Variants in PTPRD observed in about 807,000 individuals in gnomAD.
The protein encoded by PTPRD is receptor-type tyrosine-protein phosphatase delta.
Under a neutral mutation model 214.5 loss-of-function variants are expected in PTPRD, and 34 were observed. The ratio of observed to expected loss-of-function variants is 0.16; its 90% CI spans 0.12 to 0.21. The LOEUF (loss-of-function observed/expected upper bound fraction) is 0.21. Among genes scored for constraint, PTPRD ranks in the 10% least tolerant of loss-of-function variants. PTPRD has a pLI of 1.00. For synonymous variants in PTPRD, 1,128 were observed against 845.7 expected (o/e 1.33, Z -5.79); for missense variants, 2,545 against 2,398.7 (o/e 1.06, Z -1.27).
At chr9:10,545,103 T>C (rs549150543) in intron 2 of PTPRD, among the ~76,000 whole-genome samples, 1 of 152,314 alleles carries the variant, frequency 6.6e-6, no homozygotes, top group Admixed American at 6.5e-5. Context: ...ATGGAAAGAC[T>C]TCTAAGACAA....
chr9:8,621,509 G>T (rs1017687271), intron 14 of PTPRD, among the ~76,000 whole-genome samples: 4 of 151,972 alleles, frequency 2.6e-5, no homozygotes, highest in African/African-American at 9.7e-5. Flanking sequence ...CTACTGGGCA[G>T]CATTTAGTGT....
chr9:8,371,243 T>C (rs2081411952), intron 39 of PTPRD, among the ~76,000 whole-genome samples: 1 of 152,176 alleles, frequency 6.6e-6, no homozygotes, highest in African/African-American at 2.4e-5. Flanking sequence ...ATATAGTCTC[T>C]AAGGTGAAAA....
intron 28 of PTPRD, 146 bp downstream of exon 28, chr9:8,485,616 G>A (rs1413813527): frequency 1.7e-5 from 13 of 743,840 alleles, no homozygotes; most frequent in South Asian, 5.8e-5. Context: ...CATCCAAGAC[G>A]TAGTAAGTTT....
chr9:8,890,877 C>T (rs371702517), intron 11 of PTPRD, among the ~76,000 whole-genome samples: 2 of 152,062 alleles, frequency 1.3e-5, no homozygotes, highest in Admixed American at 6.6e-5. Context: ...GAGAAGGCCA[C>T]GTTCAGCAGC....
chr9:8,802,351 C>T (rs570465161), intron 11 of PTPRD, among the ~76,000 whole-genome samples: 13 of 152,286 alleles, frequency 8.5e-5, no homozygotes, highest in African/African-American at 3.1e-4. Context: ...GGTTGCTTCC[C>T]TGACTCTCAC....
At chr9:8,494,376 T>C (rs1163803593) in intron 26 of PTPRD, among the ~76,000 whole-genome samples, 2 of 152,216 alleles carry the variant, frequency 1.3e-5, no homozygotes, top group African/African-American at 2.4e-5. Flanking sequence ...AAATGGACTA[T>C]TTGGGAGAAA....
chr9:8,353,987 TCTCA>T (rs1300044061), intron 39 of PTPRD, among the ~76,000 whole-genome samples: 7 of 139,776 alleles, frequency 5.0e-5, no homozygotes, highest in African/African-American at 1.9e-4. Context: ...TGAGAAGGAG[TCTCA>T]CTCTGTTGCC....
At chr9:9,070,354 T>C (rs900164874) in intron 10 of PTPRD, among the ~76,000 whole-genome samples, 23 of 152,282 alleles carry the variant, frequency 1.5e-4, no homozygotes, top group African/African-American at 5.5e-4. Flanking sequence ...TATAGAAATA[T>C]AGAAAAACAG....
chr9:9,728,437 T>C (rs932147701), intron 7 of PTPRD, among the ~76,000 whole-genome samples: 3 of 152,186 alleles, frequency 2.0e-5, no homozygotes, highest in Non-Finnish European at 4.4e-5. Flanking sequence ...GAAAAGAAGT[T>C]TAACTAATTA....
At chr9:10,238,784 A>T (rs924731394) in intron 3 of PTPRD, among the ~76,000 whole-genome samples, 1 of 152,002 alleles carries the variant, frequency 6.6e-6, no homozygotes, top group African/African-American at 2.4e-5. Flanking sequence ...AAGAAACAAA[A>T]GTTGGGATAA....
At chr9:9,559,457 T>C (rs1454026637) in intron 8 of PTPRD, among the ~76,000 whole-genome samples, 1 of 152,188 alleles carries the variant, frequency 6.6e-6, no homozygotes, top group Non-Finnish European at 1.5e-5. Flanking sequence ...CTATCTGTGG[T>C]CACATGCACA....
At chr9:8,657,611 GT>G (rs1195219594) in intron 12 of PTPRD, among the ~76,000 whole-genome samples, 1 of 152,156 alleles carries the variant, frequency 6.6e-6, no homozygotes, top group Admixed American at 6.5e-5. Context: ...CTGGATAATA[GT>G]TTCTTTTGCT....
intron 12 of PTPRD, among the ~76,000 whole-genome samples, chr9:8,639,174 G>A (rs190020767): frequency 7.0e-4 from 106 of 152,276 alleles, no homozygotes; most frequent in Non-Finnish European, 1.2e-3. Flanking sequence ...ACAGTGAGAG[G>A]ATTACAAAAC....
chr9:9,814,672 T>C (rs1470226023), intron 5 of PTPRD, among the ~76,000 whole-genome samples: 2 of 152,104 alleles, frequency 1.3e-5, no homozygotes, highest in Non-Finnish European at 2.9e-5. Flanking sequence ...ATGTCCATAC[T>C]ACCTCAAACA....
chr9:8,779,341 C>G (rs1007545300), intron 11 of PTPRD, among the ~76,000 whole-genome samples: 7 of 151,866 alleles, frequency 4.6e-5, no homozygotes, highest in Non-Finnish European at 8.8e-5. Flanking sequence ...CCAGCCCCTC[C>G]TTTAGAGATG....
intron 5 of PTPRD, among the ~76,000 whole-genome samples, chr9:9,858,816 G>A (rs1020274771): frequency 6.6e-6 from 1 of 152,136 alleles, no homozygotes; most frequent in Non-Finnish European, 1.5e-5. Context: ...CAAATCAACA[G>A]TTATTTGTAG....
intron 35 of PTPRD, among the ~76,000 whole-genome samples, chr9:8,408,756 C>A (rs1260300198): frequency 6.6e-6 from 1 of 152,104 alleles, no homozygotes; most frequent in Non-Finnish European, 1.5e-5. Flanking sequence ...GCACACTGGG[C>A]ACTTGACTCC....
chr9:10,432,216 C>T (rs1004429794), intron 2 of PTPRD, among the ~76,000 whole-genome samples: 4 of 141,826 alleles, frequency 2.8e-5, no homozygotes, highest in African/African-American at 1.1e-4. Flanking sequence ...TATTCTCACT[C>T]ATAGGCGGGA....
chr9:8,826,705 G>C (rs949586641), intron 11 of PTPRD, among the ~76,000 whole-genome samples: 9 of 150,772 alleles, frequency 6.0e-5, no homozygotes, highest in Admixed American at 5.3e-4. Context: ...CTCTCCTGCT[G>C]GACGGTAAGC....
Sources: allele counts gnomAD v4.1 joint callset (sites outside exome capture counted in the v4.1 genomes callset), GRCh38; gene constraint gnomAD v4.1.1; transcripts MANE v1.5; gene names NCBI Gene and HGNC (gene_info 2026-07-23, HGNC 2026-07-21).